The following GDF6 variants were observed in gnomAD, a reference collection of about 807,000 sequenced individuals.
GDF6 encodes growth differentiation factor 6.
A neutral mutation model predicts 32.4 loss-of-function variants in GDF6; 3 were observed. That is an observed-to-expected ratio of 0.09 (90% CI 0.04 to 0.24). The LOEUF (loss-of-function observed/expected upper bound fraction) is 0.24, where lower values mean the gene tolerates loss of function less well. GDF6 is among the 10% of genes least tolerant of loss of function. The probability of loss-of-function intolerance (pLI) is 1.00; values close to 1 mark genes in which losing one functional copy is unlikely to be tolerated. For missense variants in GDF6, 589 were observed against 637.9 expected, an observed-to-expected ratio of 0.92 and a Z score of 0.83; for synonymous variants, 296 against 295.3, an observed-to-expected ratio of 1.00 and a Z score of -0.03.
intron 1 of GDF6, among the ~76,000 whole-genome samples, chr8:96,156,063 C>A (rs1470776310): frequency 5.3e-5 from 8 of 152,214 alleles, no homozygotes; most frequent in African/African-American, 1.9e-4. Flanking sequence ...GAGAAGCCAA[C>A]AAACAATCAG....
chr8:96,145,556 C>G lies in GDF6; in HGVS notation c.407-32G>C, dbSNP rs1192551396. 3 of 1,597,144 alleles carry G rather than the reference C, an allele frequency of 1.9e-6. No individual in the cohort carries two copies. Among genetic ancestry groups the G allele is most frequent in the Non-Finnish European group, 2.5e-6 (3 of 1,179,546 alleles). On this transcript the variant is annotated intron_variant, in intron 1 of 1. Transcript: ENST00000287020. This position sits in a 1 kb window ranked among gnomAD's most constrained non-coding sequence, Gnocchi z 5.6. ...GATAAAAAATAATTACAGTCAGTTT[C>G]ACTTAAGGGGGAGATCAGCCCGGTG...
chr8:96,147,221 G>A (rs551044089), intron 1 of GDF6, among the ~76,000 whole-genome samples: 1 of 152,284 alleles, frequency 6.6e-6, no homozygotes, highest in Non-Finnish European at 1.5e-5. Context: ...TCACTCTTAC[G>A]CACATGCCCC....
intron 1 of GDF6, 28 bp downstream of exon 1, chr8:96,160,259 G>A: frequency 2.5e-6 from 4 of 1,613,340 alleles, no homozygotes; most frequent in Non-Finnish European, 3.4e-6. Flanking sequence ...CAGCGGGAGG[G>A]GAGTCGAGCG....
At chr8:96,156,252 C>T (rs1812659493) in intron 1 of GDF6, among the ~76,000 whole-genome samples, 1 of 152,230 alleles carries the variant, frequency 6.6e-6, no homozygotes, top group Non-Finnish European at 1.5e-5. Flanking sequence ...CAGCAATAGT[C>T]TTAGACTCAT....
chr8:96,144,661 T>A lies in GDF6; in HGVS notation c.1270A>T (p.Lys424Ter). 3 of 1,614,112 alleles carry A rather than the reference T, an allele frequency of 1.9e-6. No homozygotes were observed. Among genetic ancestry groups the A allele is most frequent in the Non-Finnish European group, 2.5e-6 (3 of 1,180,006 alleles). The change falls in exon 2 of 2, where the codon AAA (lysine) becomes TAA (stop). Residue 424 changes from lysine to a stop codon, truncating the protein, a stop_gained. Coordinates refer to ENST00000287020, the MANE Select transcript of GDF6 (RefSeq NM_001001557.4). LOFTEE classifies it high-confidence loss of function. The surrounding 1 kb of genome is among the most constrained non-coding windows in gnomAD (Gnocchi z 5.1). ...TATAGAATGCTGATGGGAGTCAATTTGGTGGGCACGCAGCAGCTGGGCGGG... is the reference window on the plus strand; with the variant it reads ...TATAGAATGCTGATGGGAGTCAATTAGGTGGGCACGCAGCAGCTGGGCGGG... The part of the protein sequence containing the change: ...STPPSCCVPT[K>*]LTPISILYID...
At position 96,144,256 on chromosome 8, in the gene GDF6, G is replaced by GAGAGAGAGAGAC. The variant is rs572228298; in HGVS notation, c.*306_*307insGTCTCTCTCTCT. 1,738 of 385,032 alleles carry GAGAGAGAGAGAC rather than the reference G, an allele frequency of 4.5e-3. 54 individuals carry two copies. The highest frequency in any genetic ancestry group is 0.039 in the African/African-American group (1,605 of 41,414). The allele number at this position is 385,032 out of a possible 1,614,324, so 23.9% of individuals were successfully genotyped here. A position where few individuals can be genotyped will look rare whatever the true frequency, so the allele number is the denominator to read the frequency against. ...AAAGCCACAGTAATAGAGAGAGAGA[G>GAGAGAGAGAGAC]AGAGAGAGAGAGAGAGAGAGAGAGA... On this transcript the variant is annotated 3_prime_UTR_variant, in exon 2 of 2. Coordinates refer to ENST00000287020, the MANE Select transcript of GDF6 (RefSeq NM_001001557.4). The surrounding 1 kb of genome is among the most constrained non-coding windows in gnomAD (Gnocchi z 5.1).
chr8:96,148,210 C>T (rs748149935), intron 1 of GDF6, among the ~76,000 whole-genome samples: 3 of 152,196 alleles, frequency 2.0e-5, no homozygotes, highest in Non-Finnish European at 4.4e-5. Context: ...TCTTTCCACA[C>T]TAGCTCCATC....
At chr8:96,153,784 T>C (rs1225162290) in intron 1 of GDF6, among the ~76,000 whole-genome samples, 4 of 152,100 alleles carry the variant, frequency 2.6e-5, no homozygotes, top group Non-Finnish European at 5.9e-5. Flanking sequence ...GGGAGGATAT[T>C]GGACTCAGCA....
chr8:96,153,290 A>G (rs1026307584), intron 1 of GDF6, among the ~76,000 whole-genome samples: 3 of 152,272 alleles, frequency 2.0e-5, no homozygotes, highest in Non-Finnish European at 4.4e-5. Flanking sequence ...GAGGGGCCAG[A>G]GAGGCAAAGC....
At chr8:96,151,531 C>A (rs942711809) in intron 1 of GDF6, among the ~76,000 whole-genome samples, 4 of 152,186 alleles carry the variant, frequency 2.6e-5, no homozygotes, top group Non-Finnish European at 4.4e-5. Context: ...CTGAGAAACT[C>A]TTCCATGCTG....
intron 1 of GDF6, among the ~76,000 whole-genome samples, chr8:96,155,431 C>A (rs892576519): frequency 2.0e-5 from 3 of 152,214 alleles, no homozygotes; most frequent in Non-Finnish European, 4.4e-5. Flanking sequence ...CTTAAACGTG[C>A]CTTACTTATT....
intron 1 of GDF6, among the ~76,000 whole-genome samples, chr8:96,158,645 A>T (rs1355358258): frequency 6.6e-6 from 1 of 152,140 alleles, no homozygotes; most frequent in Non-Finnish European, 1.5e-5. Flanking sequence ...GAGCTTCCTT[A>T]GCCTCCTTCC....
intron 1 of GDF6, among the ~76,000 whole-genome samples, chr8:96,155,938 A>C (rs1424107218): frequency 6.6e-6 from 1 of 152,126 alleles, no homozygotes; most frequent in East Asian, 1.9e-4. Flanking sequence ...GAGGTACCAG[A>C]TGAACTTCAA....
intron 1 of GDF6, among the ~76,000 whole-genome samples, chr8:96,154,498 T>C (rs927899333): frequency 6.6e-6 from 1 of 151,728 alleles, no homozygotes; most frequent in Admixed American, 6.5e-5. Context: ...AGTTTAAAAA[T>C]AAACAGCCAG....
Position 96,158,640 on chromosome 8 carries a change from T to C in GDF6, c.406+1647A>G, listed in dbSNP as rs377632939. On this transcript the variant is annotated intron_variant, in intron 1 of 1. Coordinates refer to ENST00000287020, the MANE Select transcript of GDF6 (RefSeq NM_001001557.4). ...CCTCTTGAGCAGTCTTCTCTGAGCT[T>C]CCTTAGCCTCCTTCCGCAATTGTAG... is the stretch of plus-strand genomic sequence containing the variant. Among the ~76,000 whole-genome samples the C allele has an allele frequency of 3.9e-5, 6 of 152,170 alleles. No individual in the cohort carries two copies. In the East Asian group the frequency reaches 9.7e-4, roughly 24 times the overall value.
rs913074522 is a variant in GDF6 at position 96,160,752 on chromosome 8, C to A, written c.-60G>T. On this transcript the variant is annotated 5_prime_UTR_variant, in exon 1 of 2. Coordinates refer to ENST00000287020, the MANE Select transcript of GDF6 (RefSeq NM_001001557.4). ...TGGCGGCGGCGCAGGACGCGCGGGG[C>A]ACGGAGCGGCTGGACAGCGGCCGGG... 2 of 1,571,020 alleles carry A rather than the reference C, an allele frequency of 1.3e-6. No individual in the cohort carries two copies.
Position 96,144,884 on chromosome 8 carries a change from C to T in GDF6, c.1047G>A (p.Lys349=). The T allele has an allele frequency of 6.2e-7, 1 of 1,613,626 alleles. No homozygotes were observed. The highest frequency in any genetic ancestry group is 8.5e-7 in the Non-Finnish European group (1 of 1,179,848). Reference sequence around the variant, plus strand: ...GCTTCTTGCTGCAGCGTAGCCTGGACTTCTTGCCGTGCCGCTTGCCATGGC... The same window carrying T: ...GCTTCTTGCTGCAGCGTAGCCTGGATTTCTTGCCGTGCCGCTTGCCATGGC... The part of the protein sequence containing the change: ...ASRHGKRHGK[K]SRLRCSKKPL... Residue 349 remains lysine (K), a synonymous_variant, in exon 2 of 2, where the codon AAG becomes AAA. Transcript: ENST00000287020. This position sits in a 1 kb window ranked among gnomAD's most constrained non-coding sequence, Gnocchi z 5.1.
In GDF6 at chr8:96,160,735, G is replaced by A; in HGVS notation, c.-43C>T. On this transcript the variant is annotated 5_prime_UTR_variant, in exon 1 of 2. Transcript: ENST00000287020. ...GTCTCCCCAGGAGGCGGTGGCGGCG[G>A]CGCAGGACGCGCGGGGCACGGAGCG... 6.2e-7 allele frequency: 1 copy of A among 1,601,394 alleles called. No homozygotes were observed. The highest frequency in any genetic ancestry group is 8.5e-7 in the Non-Finnish European group (1 of 1,171,188).
At position 96,145,204 on chromosome 8, in the gene GDF6, C is replaced by A. The variant is rs909520368; in HGVS notation, c.727G>T (p.Gly243Trp). The change falls in exon 2 of 2, where the codon GGG becomes TGG. Residue 243 changes from glycine (G) to tryptophan (W), a missense_variant. Around this residue, in one of 2 missense-constraint regions of GDF6, gnomAD observed 436 missense variants for 411.2 expected, o/e 1.06. Transcript: ENST00000287020. This position sits in a 1 kb window ranked among gnomAD's most constrained non-coding sequence, Gnocchi z 5.6. ...LRAAWGELDAGEAEARARGPQ... is the reference protein window; with the variant it reads ...LRAAWGELDAWEAEARARGPQ... ...CCCCGCGCGCGCGCCTCGGCCTCCC[C>A]GGCGTCCAGCTCGCCCCATGCGGCC... 6.7e-6 allele frequency: 10 copies of A among 1,501,854 alleles called. No individual in the cohort carries two copies. The highest frequency in any genetic ancestry group is 1.5e-5 in the African/African-American group (1 of 68,906). The allele number at this position is 1,501,854 out of a possible 1,614,324, so 93.0% of individuals were successfully genotyped here. A position where few individuals can be genotyped will look rare whatever the true frequency, so the allele number is the denominator to read the frequency against.
Sources: allele counts gnomAD v4.1 joint callset (sites outside exome capture counted in the v4.1 genomes callset), GRCh38; gene constraint gnomAD v4.1.1; regional missense constraint gnomAD v4.1.1; non-coding constraint Gnocchi (gnomAD v3.1); transcripts MANE v1.5; gene names NCBI Gene and HGNC (gene_info 2026-07-23, HGNC 2026-07-21).